SF3B6: variants seen among roughly 807,000 people sequenced by gnomAD.
SF3B6 encodes SF3b 14 kDa subunit.
A neutral mutation model predicts 15.9 loss-of-function variants in SF3B6; 3 were observed. The ratio of observed to expected loss-of-function variants is 0.19; its 90% CI spans 0.09 to 0.49. The LOEUF is 0.49. Ranked by LOEUF, SF3B6 falls within the 20% of genes least tolerant of loss-of-function variation. The pLI, the probability that SF3B6 is intolerant of heterozygous loss-of-function variation, is 0.97. For missense variants in SF3B6, 71 were observed against 154.3 expected (o/e 0.46, Z 2.86); for synonymous variants, 49 against 51.1 (o/e 0.96, Z 0.18).
chr2:24,074,704 C>T (rs963986875), intron 1 of SF3B6, among the ~76,000 whole-genome samples: 4 of 152,240 alleles, frequency 2.6e-5, no homozygotes, highest in Non-Finnish European at 4.4e-5. Flanking sequence ...TCTATTACTA[C>T]GCCAACCTTC....
chr2:24,073,127 T>G (rs917185261), intron 2 of SF3B6, among the ~76,000 whole-genome samples: 2 of 152,152 alleles, frequency 1.3e-5, no homozygotes, highest in Non-Finnish European at 2.9e-5. Context: ...GGAGGGACAG[T>G]GTCATTCAAA....
At chr2:24,076,151 A>G in intron 1 of SF3B6, 49 bp downstream of exon 1, 3 of 1,613,160 alleles carry the variant, frequency 1.9e-6, no homozygotes, top group Non-Finnish European at 2.5e-6. Flanking sequence ...GCCGCTAAGA[A>G]AGTCAAACCC....
rs1266950900 is a variant in SF3B6, at chr2:24,075,879, T to C, written c.30+321A>G. On this transcript the variant is annotated intron_variant, in intron 1 of 3. Transcript: ENST00000233468. ...GAACCATTAAGTTAGTTGAGGACTC[T>C]TCTGAGATATCGACTTTAAGTCAAG... Among the ~76,000 whole-genome samples the C allele has an allele frequency of 2.6e-5, 4 of 152,042 alleles. No individual in the cohort carries two copies. The South Asian group carries it at 8.3e-4, about 31-fold the overall frequency.
intron 3 of SF3B6, 35 bp from the exon 4 acceptor site, chr2:24,067,886 A>T: frequency 1.9e-6 from 3 of 1,562,694 alleles, no homozygotes; most frequent in Non-Finnish European, 2.6e-6. Context: ...TTAAATTACC[A>T]ATCTACAGCC....
At position 24,068,420 on chromosome 2, in the gene SF3B6, G is replaced by A; in HGVS notation, c.189C>T (p.Val63=). The change falls in exon 3 of 4, where the codon GTC becomes GTT. Residue 63 remains valine, a synonymous_variant. Transcript: ENST00000233468. ...TPETRGTAYV[V]YEDIFDAKNA... ...TCTTGGCATCAAAGATGTCCTCATA[G>A]ACCACATAAGCTGTTCCTCTAGTTT... 6.2e-7 allele frequency: 1 copy of A among 1,614,050 alleles called. No homozygotes were observed. The highest frequency in any genetic ancestry group is 8.5e-7 in the Non-Finnish European group (1 of 1,179,948).
Position 24,067,828 on chromosome 2 carries a change from C to T in SF3B6, c.312G>A (p.Lys104=). 8 of 1,614,136 alleles carry T rather than the reference C, an allele frequency of 5.0e-6. No homozygotes were observed. The highest frequency in any genetic ancestry group is 6.8e-6 in the Non-Finnish European group (8 of 1,180,004). ...GAAGCTTCAACTGTTCCTCCTTCTT[C>T]TTTGTGTCCATCTTCTGAAATGCCT... ...ANRAFQKMDT[K]KKEEQLKLLK... is the part of the protein sequence containing the mutation. The change falls in exon 4 of 4, where the codon AAG becomes AAA. Residue 104 remains lysine, a synonymous_variant. Transcript: ENST00000233468.
intron 2 of SF3B6, 137 bp downstream of exon 2, chr2:24,073,939 A>T (rs1573708878): frequency 3.1e-6 from 2 of 642,530 alleles, no homozygotes; most frequent in East Asian, 2.8e-5. Flanking sequence ...CATCTCTCTG[A>T]TCTCAATCTG....
At chr2:24,075,153 A>C (rs1297140811) in intron 1 of SF3B6, among the ~76,000 whole-genome samples, 1 of 151,880 alleles carries the variant, frequency 6.6e-6, no homozygotes, top group Non-Finnish European at 1.5e-5. Flanking sequence ...ACTATCATCC[A>C]ATTTCCCTAC....
In SF3B6 at chr2:24,074,163, A is replaced by G. The variant is rs1573708996; in HGVS notation, c.62T>C (p.Leu21Ser). ...IRLPPEVNRI[L>S]YIRNLPYKIT... is the part of the protein sequence containing the mutation. ...TTTGTATGGCAAATTTCTTATATAC[A>G]ATATCCGATTTACTTCAGGTGGAAG... Residue 21 changes from leucine (L) to serine (S), a missense_variant, in exon 2 of 4, where the codon TTG (leucine) becomes TCG (serine). Physicochemically the swap from Leu to Ser is moderately radical, Grantham distance 145. Coordinates refer to ENST00000233468, the MANE Select transcript of SF3B6 (RefSeq NM_016047.4). The G allele has an allele frequency of 1.9e-6, 3 of 1,604,366 alleles. No individual in the cohort carries two copies. Among genetic ancestry groups the G allele is most frequent in the Non-Finnish European group, 2.6e-6 (3 of 1,172,276 alleles).
chr2:24,067,872 A>G (rs946102669), intron 3 of SF3B6, 21 bp from the exon 4 acceptor site: 2 of 1,600,034 alleles, frequency 1.2e-6, no homozygotes, highest in Admixed American at 1.7e-5. Flanking sequence ...GGTAAGCACC[A>G]AAATTAAATT....
In SF3B6 at chr2:24,068,381, G is replaced by A. The variant is rs1425922249; in HGVS notation, c.228C>T (p.His76=). ...TGTTACAAACATTGAATCCCGATAG[G>A]TGATCACATGCATTCTTGGCATCAA... The part of the protein sequence containing the change: ...DIFDAKNACD[H]LSGFNVCNRY... The change falls in exon 3 of 4, where the codon CAC becomes CAT. Residue 76 remains histidine, a synonymous_variant. Coordinates refer to ENST00000233468, the MANE Select transcript of SF3B6 (RefSeq NM_016047.4). 6.8e-6 allele frequency: 11 copies of A among 1,613,982 alleles called. No individual in the cohort carries two copies. The highest frequency in any genetic ancestry group is 5.3e-5 in the African/African-American group (4 of 74,938).
At position 24,076,257 on chromosome 2, in the gene SF3B6, C is replaced by G. The variant is rs371089103; in HGVS notation, c.-28G>C. On this transcript the variant is annotated 5_prime_UTR_variant, in exon 1 of 4. Transcript: ENST00000233468. Reference sequence around the variant, plus strand: ...TGGCGGGCTGATGAAGTTACCGTAGCAGATACTGAAATTCCTCCGGAGCTC... The same window carrying G: ...TGGCGGGCTGATGAAGTTACCGTAGGAGATACTGAAATTCCTCCGGAGCTC... 9 of 1,614,074 alleles carry G rather than the reference C, an allele frequency of 5.6e-6. No individual in the cohort carries two copies. The highest frequency in any genetic ancestry group is 7.6e-6 in the Non-Finnish European group (9 of 1,180,038).
In SF3B6 at chr2:24,076,265, G is replaced by C; in HGVS notation, c.-36C>G. The C allele has an allele frequency of 6.2e-7, 1 of 1,614,112 alleles. No individual in the cohort carries two copies. The highest frequency in any genetic ancestry group is 8.5e-7 in the Non-Finnish European group (1 of 1,179,950). On this transcript the variant is annotated 5_prime_UTR_variant, in exon 1 of 4. Coordinates refer to ENST00000233468, the MANE Select transcript of SF3B6 (RefSeq NM_016047.4). The stretch of plus-strand genomic sequence containing the variant: ...TGATGAAGTTACCGTAGCAGATACT[G>C]AAATTCCTCCGGAGCTCGCTCGGCT...
intron 2 of SF3B6, among the ~76,000 whole-genome samples, chr2:24,068,819 C>T (rs181514660): frequency 1.1e-4 from 17 of 152,158 alleles, no homozygotes; most frequent in African/African-American, 3.1e-4. Context: ...ACTGGCTCTA[C>T]GTTGTCTTTG....
intron 1 of SF3B6, 147 bp downstream of exon 1, chr2:24,076,053 G>C: frequency 9.7e-7 from 1 of 1,031,306 alleles, no homozygotes; most frequent in Admixed American, 1.7e-5. Context: ...TCTGAGGATG[G>C]GGCCGGATAG....
At chr2:24,070,307 C>A (rs1182751876) in intron 2 of SF3B6, among the ~76,000 whole-genome samples, 1 of 152,200 alleles carries the variant, frequency 6.6e-6, no homozygotes, top group Non-Finnish European at 1.5e-5. Flanking sequence ...CCATGCCCGA[C>A]TAATTTTTGT....
intron 1 of SF3B6, among the ~76,000 whole-genome samples, chr2:24,075,186 T>C (rs1664714348): frequency 1.3e-5 from 2 of 152,112 alleles, no homozygotes; most frequent in Admixed American, 1.3e-4. Context: ...TGAGAACTCA[T>C]GGACAGAGTG....
rs572522803 is a variant in SF3B6, at chr2:24,069,142, C to T, written c.150-683G>A. The stretch of plus-strand genomic sequence containing the variant: ...AATTACAGGCATGAGCCACCACACC[C>T]GGTCTACATTCATTTTTAATACAAC... On this transcript the variant is annotated intron_variant, in intron 2 of 3. Transcript: ENST00000233468. Among the ~76,000 whole-genome samples, 290 of 152,340 alleles carry T rather than the reference C, an allele frequency of 1.9e-3. 2 individuals are homozygous for T. The highest frequency in any genetic ancestry group is 1.3e-3 in the Non-Finnish European group (86 of 68,046).
At chr2:24,074,216 GTTA>G in intron 1 of SF3B6, 22 bp from the exon 2 acceptor site, 1 of 1,311,064 alleles carries the variant, frequency 7.6e-7, no homozygotes, top group Non-Finnish European at 1.1e-6. Flanking sequence ...AATACGTATT[GTTA>G]TTATAATTAG....
Sources: gnomAD v4.1 joint callset for allele counts (sites outside exome capture counted in the v4.1 genomes callset) on GRCh38, gnomAD v4.1.1 for gene constraint, MANE v1.5 for transcripts, NCBI Gene and HGNC (gene_info 2026-07-23, HGNC 2026-07-21) for gene names.